Variants in MAP4K3 observed in about 807,000 individuals in gnomAD.
MAP4K3 encodes mitogen-activated protein kinase kinase kinase kinase 3.
Under a neutral mutation model 143.5 loss-of-function variants are expected in MAP4K3, and 94 were observed. The observed-to-expected ratio is 0.65, with a 90% CI of 0.55 to 0.78. MAP4K3 has a LOEUF of 0.78. Ranked by LOEUF, MAP4K3 falls within the 30% of genes least tolerant of loss-of-function variation. The pLI is 0.00. For missense variants in MAP4K3, 1,077 were observed against 1,068.1 expected (o/e 1.01, Z -0.12); for synonymous variants, 416 against 347.2 (o/e 1.20, Z -2.20).
chr2:39,303,226 G>A (rs997507523), intron 15 of MAP4K3: 7 of 166,614 alleles, frequency 4.2e-5, no homozygotes, highest in African/African-American at 1.2e-4. Flanking sequence ...CACAAATAAG[G>A]TTGTTAGTGA....
chr2:39,411,001 G>A (rs1667217838), intron 1 of MAP4K3, among the ~76,000 whole-genome samples: 1 of 152,084 alleles, frequency 6.6e-6, no homozygotes. Flanking sequence ...ATATCATTAT[G>A]CCATTTTTTT....
Position 39,292,781 on chromosome 2 carries a change from TTCA to T in MAP4K3, c.1260_1262del (p.Asp420del), listed in dbSNP as rs758523104. 3.1e-6 allele frequency: 5 copies of T among 1,613,114 alleles called. No individual in the cohort carries two copies. The highest frequency in any genetic ancestry group is 1.7e-5 in the Admixed American group (1 of 59,998). On this transcript the variant is annotated inframe_deletion, in exon 18 of 34. Transcript: ENST00000263881. ...ACAGAGACAGAACTTACTGTTTAGA[TTCA>T]TCATCATCTCCTTCATCATCTTCTA...
intron 24 of MAP4K3, among the ~76,000 whole-genome samples, chr2:39,272,952 C>T (rs576399383): frequency 6.6e-6 from 1 of 151,050 alleles, no homozygotes. Context: ...GTGTATGATA[C>T]AGGAAAAAGC....
chr2:39,399,055 A>G (rs532896589), intron 1 of MAP4K3, among the ~76,000 whole-genome samples: 2 of 151,982 alleles, frequency 1.3e-5, no homozygotes, highest in South Asian at 4.1e-4. Flanking sequence ...AAAAAAAAAA[A>G]AAAAAAAAAG....
intron 2 of MAP4K3, among the ~76,000 whole-genome samples, chr2:39,362,706 T>G (rs570233556): frequency 1.6e-4 from 24 of 152,148 alleles, no homozygotes; most frequent in Non-Finnish European, 3.2e-4. Context: ...ATCCTAAAAT[T>G]TAGATAGAAC....
chr2:39,371,199 A>G (rs1666071946), intron 2 of MAP4K3, among the ~76,000 whole-genome samples: 1 of 152,174 alleles, frequency 6.6e-6, no homozygotes, highest in Non-Finnish European at 1.5e-5. Context: ...AGTTTTTGTA[A>G]TATTTTGAAT....
chr2:39,301,885 G>A (rs1273103625), intron 15 of MAP4K3, among the ~76,000 whole-genome samples: 2 of 151,968 alleles, frequency 1.3e-5, no homozygotes, highest in East Asian at 1.9e-4. Context: ...TTAGCTGGGC[G>A]TGGTGGCTCG....
At chr2:39,261,110 T>A (rs1680550842) in intron 28 of MAP4K3, 1 of 202,904 alleles carries the variant, frequency 4.9e-6, no homozygotes, top group East Asian at 1.4e-4. Flanking sequence ...TGGCAGAGTC[T>A]CCTGTCTCCC....
chr2:39,284,173 AT>A (rs1243561155), intron 21 of MAP4K3, among the ~76,000 whole-genome samples: 3 of 151,080 alleles, frequency 2.0e-5, no homozygotes, highest in Non-Finnish European at 3.0e-5. Flanking sequence ...TTGTTTTTTT[AT>A]TTTTTTTGAG....
At chr2:39,420,757 C>G (rs183787475) in intron 1 of MAP4K3, among the ~76,000 whole-genome samples, 23 of 152,234 alleles carry the variant, frequency 1.5e-4, no homozygotes, top group African/African-American at 5.3e-4. Context: ...AAGTTAAGAG[C>G]TATTATTCCT....
intron 1 of MAP4K3, among the ~76,000 whole-genome samples, chr2:39,402,127 T>C (rs1666968458): frequency 6.6e-6 from 1 of 152,214 alleles, no homozygotes; most frequent in South Asian, 2.1e-4. Context: ...ACCCAAATCA[T>C]ATTAATACAT....
chr2:39,391,881 C>A (rs750791975), intron 1 of MAP4K3, among the ~76,000 whole-genome samples: 2 of 151,914 alleles, frequency 1.3e-5, no homozygotes, highest in Admixed American at 1.3e-4. Flanking sequence ...CTGGACATCA[C>A]TGATTAAAAT....
chr2:39,299,718 TA>T, intron 16 of MAP4K3, 24 bp downstream of exon 16: 1 of 1,399,572 alleles, frequency 7.1e-7, no homozygotes, highest in Non-Finnish European at 9.7e-7. Context: ...GAATTTAAAT[TA>T]AGTTTTAAAA....
rs140914094 is a variant in MAP4K3, at chr2:39,272,346, C to T, written c.1910G>A (p.Arg637Lys). The T allele has an allele frequency of 8.5e-4, 1,376 of 1,613,674 alleles. No homozygotes were observed. Among genetic ancestry groups the T allele is most frequent in the Non-Finnish European group, 1.0e-3 (1,237 of 1,179,836 alleles). The change falls in exon 26 of 34, where the codon AGA becomes AAA. Residue 637 changes from arginine to lysine, a missense_variant. Around this residue, in one of 2 missense-constraint regions of MAP4K3, gnomAD observed 864 missense variants for 801.2 expected, o/e 1.08. Transcript: ENST00000263881. The stretch of plus-strand genomic sequence containing the variant: ...AGCAACAGGTAACTTTTGCATTTGT[C>T]TTGCATAATCAAAAAGCCCTGGTAA... ...HNLPGLFDYA[R>K]QMQKLPVAIP...
intron 6 of MAP4K3, among the ~76,000 whole-genome samples, chr2:39,335,466 G>C (rs1247344594): frequency 6.6e-6 from 1 of 152,128 alleles, no homozygotes; most frequent in East Asian, 1.9e-4. Context: ...TTGCATAATG[G>C]AACATCAAAC....
In MAP4K3 at chr2:39,265,292, T is replaced by C. The variant is rs1302508382; in HGVS notation, c.2047A>G (p.Thr683Ala). 1 of 1,611,076 alleles carries C rather than the reference T, an allele frequency of 6.2e-7. No individual in the cohort carries two copies. Among genetic ancestry groups the C allele is most frequent in the East Asian group, 2.2e-5 (1 of 44,818 alleles). The change falls in exon 28 of 34, where the codon ACG becomes GCG. Residue 683 changes from threonine to alanine, a missense_variant. Thr to Ala is a moderately conservative substitution (Grantham distance 58). Coordinates refer to ENST00000263881, the MANE Select transcript of MAP4K3 (RefSeq NM_003618.4). ...QKCCVVRNPYTGHKYLCGALQ... is the reference protein window; with the variant it reads ...QKCCVVRNPYAGHKYLCGALQ... Reference sequence around the variant, plus strand: ...GCTCCACATAGGTATTTATGGCCCGTGTAAGGATTTCTTACTGTCAAAGCA... The same window carrying C: ...GCTCCACATAGGTATTTATGGCCCGCGTAAGGATTTCTTACTGTCAAAGCA...
chr2:39,290,258 C>T (rs1488111276), intron 19 of MAP4K3, 34 bp downstream of exon 19: 1 of 1,541,838 alleles, frequency 6.5e-7, no homozygotes, highest in Non-Finnish European at 8.8e-7. Flanking sequence ...AACAATAACA[C>T]ACATATATCA....
chr2:39,345,011 C>T (rs973650357), intron 3 of MAP4K3, among the ~76,000 whole-genome samples: 3 of 152,152 alleles, frequency 2.0e-5, no homozygotes, highest in African/African-American at 7.2e-5. Flanking sequence ...CCTTGTGTCT[C>T]TTAAAATGTG....
At chr2:39,354,897 C>T (rs994273802) in intron 3 of MAP4K3, among the ~76,000 whole-genome samples, 5 of 152,158 alleles carry the variant, frequency 3.3e-5, no homozygotes, top group African/African-American at 4.8e-5. Context: ...CAATAAGTTA[C>T]AGTATGTTGG....
Sources: allele counts gnomAD v4.1 joint callset (sites outside exome capture counted in the v4.1 genomes callset), GRCh38; gene constraint gnomAD v4.1.1; regional missense constraint gnomAD v4.1.1; transcripts MANE v1.5; gene names NCBI Gene and HGNC (gene_info 2026-07-23, HGNC 2026-07-21).